SNTB2: variants seen among roughly 807,000 people sequenced by gnomAD.
SNTB2 encodes syntrophin beta 2, also known as beta-2-syntrophin.
In SNTB2, 34 loss-of-function variants were observed where a neutral mutation model predicts 46.2. That is an observed-to-expected ratio of 0.74 (90% CI 0.56 to 0.98). SNTB2 has a LOEUF of 0.98. Among genes scored for constraint, SNTB2 ranks in the 50% least tolerant of loss-of-function variants. SNTB2 has a pLI of 0.00. For missense variants in SNTB2, 603 were observed against 731.4 expected (o/e 0.82, Z 2.02); for synonymous variants, 290 against 312.6 (o/e 0.93, Z 0.76).
At chr16:69,256,905 C>G (rs1195083942) in intron 2 of SNTB2, among the ~76,000 whole-genome samples, 1 of 152,186 alleles carries the variant, frequency 6.6e-6, no homozygotes. Flanking sequence ...CACAGTGGCT[C>G]ACGCCTGTAA....
intron 1 of SNTB2, among the ~76,000 whole-genome samples, chr16:69,218,423 C>T (rs1329478189): frequency 1.4e-5 from 2 of 145,230 alleles, no homozygotes; most frequent in South Asian, 2.2e-4. Context: ...TCTTCTTCTT[C>T]TTTTTTTTTT....
At chr16:69,246,216 T>C (rs1443146796) in intron 2 of SNTB2, among the ~76,000 whole-genome samples, 1 of 152,252 alleles carries the variant, frequency 6.6e-6, no homozygotes, top group East Asian at 1.9e-4. Context: ...ATAGCTCTTA[T>C]TATTTTGAAA....
chr16:69,292,392 A>ATATATATATATATATTATATATATAT (rs1392787723), intron 5 of SNTB2, among the ~76,000 whole-genome samples: 1 of 26,358 alleles, frequency 3.8e-5, no homozygotes, highest in Non-Finnish European at 6.1e-5. Flanking sequence ...TATATATATT[A>ATATATATATATATATTATATATATAT]TATATATATA....
chr16:69,214,751 T>A (rs985167638), intron 1 of SNTB2, among the ~76,000 whole-genome samples: 1 of 152,012 alleles, frequency 6.6e-6, no homozygotes, highest in African/African-American at 2.4e-5. Flanking sequence ...GGTCTGGAAC[T>A]CCTGACCTCA....
At chr16:69,269,919 T>C (rs901228359) in intron 3 of SNTB2, among the ~76,000 whole-genome samples, 1 of 152,184 alleles carries the variant, frequency 6.6e-6, no homozygotes, top group African/African-American at 2.4e-5. Context: ...AAAAACTATG[T>C]TGTATCACTA....
At chr16:69,299,458 G>A in intron 5 of SNTB2, 132 bp from the exon 6 acceptor site, 1 of 881,876 alleles carries the variant, frequency 1.1e-6, no homozygotes, top group Non-Finnish European at 1.7e-6. Flanking sequence ...CACTTTAGAA[G>A]TTTCCATACA....
chr16:69,250,274 T>C (rs1034385599), intron 2 of SNTB2, among the ~76,000 whole-genome samples: 2 of 152,214 alleles, frequency 1.3e-5, no homozygotes, highest in African/African-American at 4.8e-5. Flanking sequence ...CTCATGGGAA[T>C]GTGAACATCT....
chr16:69,292,372 ATATATATTATATATATATTATATAT>A (rs1965170957), intron 5 of SNTB2, among the ~76,000 whole-genome samples: 1 of 42,946 alleles, frequency 2.3e-5, no homozygotes, highest in African/African-American at 8.7e-5. Context: ...ATATATATAT[ATATATATTATATATATATTATATAT>A]ATATATATAT....
intron 1 of SNTB2, among the ~76,000 whole-genome samples, chr16:69,244,891 T>TA (rs1411068637): frequency 1.3e-5 from 2 of 152,230 alleles, no homozygotes; most frequent in African/African-American, 4.8e-5. Context: ...CTGGCTAGCC[T>TA]AATTCCCAAC....
chr16:69,243,244 G>A (rs902722865), intron 1 of SNTB2, among the ~76,000 whole-genome samples: 17 of 152,100 alleles, frequency 1.1e-4, no homozygotes, highest in Admixed American at 8.5e-4. Context: ...ATCCAGCCAC[G>A]TGTCCAGGTT....
At chr16:69,264,405 A>C (rs1964865887) in intron 3 of SNTB2, among the ~76,000 whole-genome samples, 2 of 152,192 alleles carry the variant, frequency 1.3e-5, no homozygotes, top group African/African-American at 2.4e-5. Flanking sequence ...AAGCATGGCA[A>C]AGTTGTAAAG....
chr16:69,210,576 C>T (rs1383809628), intron 1 of SNTB2, among the ~76,000 whole-genome samples: 2 of 152,022 alleles, frequency 1.3e-5, no homozygotes, highest in Non-Finnish European at 2.9e-5. Context: ...CTCTGTTGCC[C>T]AGGCTGGAGT....
intron 3 of SNTB2, among the ~76,000 whole-genome samples, chr16:69,266,163 G>A (rs1300689095): frequency 6.6e-6 from 1 of 152,072 alleles, no homozygotes; most frequent in African/African-American, 2.4e-5. Flanking sequence ...TCAGGAGTTC[G>A]AGACCAGCCT....
intron 5 of SNTB2, among the ~76,000 whole-genome samples, chr16:69,284,680 A>G (rs1320637257): frequency 6.6e-6 from 1 of 152,110 alleles, no homozygotes; most frequent in African/African-American, 2.4e-5. Context: ...AGGCTGAGGC[A>G]GGAGAATTGC....
chr16:69,250,847 G>T (rs113651151), intron 2 of SNTB2, among the ~76,000 whole-genome samples: 1 of 152,080 alleles, frequency 6.6e-6, no homozygotes, highest in East Asian at 1.9e-4. Flanking sequence ...CTGCACTCCA[G>T]CCTGGACACA....
At chr16:69,274,831 G>T (rs552961196) in intron 4 of SNTB2, among the ~76,000 whole-genome samples, 5 of 152,126 alleles carry the variant, frequency 3.3e-5, no homozygotes, top group African/African-American at 1.2e-4. Context: ...GCAGTTTTTT[G>T]ATCTGCCACC....
rs188503690 is a variant in SNTB2 at position 69,258,367 on chromosome 16, C to G, written c.795-1683C>G. ...TTTGATTGAAACACAAAACAATATT[C>G]AATAGATTGCTTTATAAATAATTTT... On this transcript the variant is annotated intron_variant, in intron 2 of 6. Coordinates refer to ENST00000336278, the MANE Select transcript of SNTB2 (RefSeq NM_006750.4). 4.5e-4 allele frequency among the ~76,000 whole-genome samples: 68 copies of G among 152,020 alleles called. 2 individuals are homozygous for G. Among genetic ancestry groups the G allele is most frequent in the South Asian group, 1.0e-3 (5 of 4,814 alleles).
Position 69,304,063 on chromosome 16 carries a change from A to G in SNTB2, c.*3139A>G, listed in dbSNP as rs1201868604. ...ATGCCTAGGAGCAGCGAGTTGGTATATGAAAAGTCTCCCACCTTTTCTCCT... is the reference window on the plus strand; with the variant it reads ...ATGCCTAGGAGCAGCGAGTTGGTATGTGAAAAGTCTCCCACCTTTTCTCCT... On this transcript the variant is annotated 3_prime_UTR_variant, in exon 7 of 7. Coordinates refer to ENST00000336278, the MANE Select transcript of SNTB2 (RefSeq NM_006750.4). 1 of 152,200 alleles carries G rather than the reference A, an allele frequency of 6.6e-6. No individual in the cohort carries two copies. The highest frequency in any genetic ancestry group is 1.5e-5 in the Non-Finnish European group (1 of 68,042). The allele number at this position is 152,200 out of a possible 1,614,324, so 9.4% of individuals were successfully genotyped here.
intron 5 of SNTB2, among the ~76,000 whole-genome samples, chr16:69,295,230 ATTTTTTTTT>A (rs1160903028): frequency 1.6e-4 from 13 of 81,934 alleles, no homozygotes; most frequent in African/African-American, 6.5e-4. Flanking sequence ...AACATACTGA[ATTTTTTTTT>A]TTTTTTTTTT....
Sources: allele counts gnomAD v4.1 joint callset (sites outside exome capture counted in the v4.1 genomes callset), GRCh38; gene constraint gnomAD v4.1.1; transcripts MANE v1.5; gene names NCBI Gene and HGNC (gene_info 2026-07-23, HGNC 2026-07-21).